The following MPO variants were observed in gnomAD, a reference collection of about 807,000 sequenced individuals.
The protein encoded by MPO is myeloperoxidase.
Under a neutral mutation model 69.4 loss-of-function variants are expected in MPO, and 57 were observed. That is an observed-to-expected ratio of 0.82 (90% confidence interval 0.66 to 1.02). The LOEUF (loss-of-function observed/expected upper bound fraction) is 1.02. MPO is among the 50% of genes least tolerant of loss of function. The pLI is 0.00. For synonymous variants in MPO, 426 were observed against 417.1 expected, an observed-to-expected ratio of 1.02 and a Z score of -0.26; for missense variants, 971 against 1,014.1, an observed-to-expected ratio of 0.96 and a Z score of 0.58.
chr17:58,277,529 C>T (rs1970453621), intron 7 of MPO, among the ~76,000 whole-genome samples: 1 of 152,188 alleles, frequency 6.6e-6, no homozygotes. Context: ...ACTCTCTTGT[C>T]TTCCAGAGTC....
chr17:58,280,878 C>A lies in MPO; in HGVS notation c.-120G>T. The A allele has an allele frequency of 8.2e-7, 1 of 1,226,614 alleles. No homozygotes were observed. Among genetic ancestry groups the A allele is most frequent in the South Asian group, 1.4e-5 (1 of 69,198 alleles). 76.0% of individuals were successfully genotyped at this position (1,226,614 alleles called of 1,614,324 possible). A position where few individuals can be genotyped will look rare whatever the true frequency, so the allele number is the denominator to read the frequency against. ...GGCTCACTGCTCTCTTATCCCCTTG[C>A]CAGCTGCTGTCATCCAGCTTCCAAG... On this transcript the variant is annotated 5_prime_UTR_variant, in exon 1 of 12. Transcript: ENST00000225275.
chr17:58,278,203 G>C (rs1160500158), intron 6 of MPO, 58 bp from the exon 7 acceptor site: 11 of 1,575,566 alleles, frequency 7.0e-6, no homozygotes, highest in Non-Finnish European at 9.5e-6. Flanking sequence ...TGCCCAGGCA[G>C]AACTGGATCT....
chr17:58,271,015 G>A lies in MPO; in HGVS notation c.2031-152C>T, dbSNP rs1183033328. ...CCCCAGGCCCTTGGGCAGCCCAGGG[G>A]CTTTCACACAAGTGATGCTCCACTC... On this transcript the variant is annotated intron_variant, in intron 11 of 11. Transcript: ENST00000225275. The A allele has an allele frequency of 3.0e-5, 23 of 765,730 alleles. No homozygotes were observed. The East Asian group carries it at 5.6e-4, about 19-fold the overall frequency. The allele number at this position is 765,730 out of a possible 1,614,324, so 47.4% of individuals were successfully genotyped here. A position where few individuals can be genotyped will look rare whatever the true frequency, so the allele number is the denominator to read the frequency against.
chr17:58,279,959 A>G lies in MPO; in HGVS notation c.304T>C (p.Phe102Leu). 6.2e-7 allele frequency: 1 copy of G among 1,613,786 alleles called. No homozygotes were observed. Residue 102 changes from phenylalanine to leucine, a missense_variant, in exon 3 of 12, where the codon TTC (phenylalanine) becomes CTC (leucine). Coordinates refer to ENST00000225275, the MANE Select transcript of MPO (RefSeq NM_000250.2). Reference sequence around the variant, plus strand: ...CTGGTGGCTGCCACCGGCTGCTTGAAGTAGGATAGGAGTTCCATGGGGCTG... The same window carrying G: ...CTGGTGGCTGCCACCGGCTGCTTGAGGTAGGATAGGAGTTCCATGGGGCTG... ...SASPMELLSY[F>L]KQPVAATRTA...
chr17:58,274,174 G>A (rs780988315), intron 8 of MPO: 4 of 501,018 alleles, frequency 8.0e-6, no homozygotes, highest in Non-Finnish European at 1.6e-5. Flanking sequence ...AGGAAGGAAC[G>A]AAGGGCCATT....
At chr17:58,276,477 G>A (rs1294248824) in intron 7 of MPO, among the ~76,000 whole-genome samples, 1 of 152,196 alleles carries the variant, frequency 6.6e-6, no homozygotes, top group Non-Finnish European at 1.5e-5. Flanking sequence ...GAGGGCTAGG[G>A]TCAGGACACT....
rs1397649632 is a variant in MPO, at chr17:58,278,029, A to G, written c.1002T>C (p.Thr334=). The change falls in exon 7 of 12, where the codon ACT becomes ACC. Residue 334 remains threonine (T), a synonymous_variant. Coordinates refer to ENST00000225275, the MANE Select transcript of MPO (RefSeq NM_000250.2). ...ITIRNQINAL[T]SFVDASMVYG... The stretch of plus-strand genomic sequence containing the variant: ...ACACCATGCTGGCGTCCACGAAGGA[A>G]GTGAGCGCGTTGATCTGGTTGCGGA... 2 of 1,613,716 alleles carry G rather than the reference A, an allele frequency of 1.2e-6. No homozygotes were observed. Among genetic ancestry groups the G allele is most frequent in the Admixed American group, 1.7e-5 (1 of 60,008 alleles).
intron 7 of MPO, among the ~76,000 whole-genome samples, chr17:58,276,489 G>C (rs1246915640): frequency 6.6e-6 from 1 of 152,188 alleles, no homozygotes; most frequent in African/African-American, 2.4e-5. Flanking sequence ...CAGGACACTA[G>C]GGTCAGTCCT....
rs761949874 is a variant in MPO at position 58,275,568 on chromosome 17, G to C, written c.1339C>G (p.Arg447Gly). The C allele has an allele frequency of 3.1e-6, 5 of 1,614,094 alleles. No individual in the cohort carries two copies. The highest frequency in any genetic ancestry group is 4.2e-6 in the Non-Finnish European group (5 of 1,180,008). ...WDGERLYQEA[R>G]KIVGAMVQII... ...TGGACCATGGCCCCCACGATCTTCC[G>C]GGCTTCCTGGTAGAGCCTCTCCCCA... is the stretch of plus-strand genomic sequence containing the variant. The change falls in exon 8 of 12, where the codon CGG becomes GGG. Residue 447 changes from arginine to glycine, a missense_variant. Physicochemically the swap from Arg to Gly is moderately radical, Grantham distance 125. Transcript: ENST00000225275. The surrounding 1 kb of genome is among the most constrained non-coding windows in gnomAD (Gnocchi z 4.1).
chr17:58,280,529 G>A (rs889084436), intron 1 of MPO, 70 bp from the exon 2 acceptor site: 2 of 1,612,308 alleles, frequency 1.2e-6, no homozygotes, highest in South Asian at 1.1e-5. Context: ...AGCTAGGAAG[G>A]CCTGCTCTGA....
chr17:58,278,215 C>T (rs1970464107), intron 6 of MPO, 70 bp from the exon 7 acceptor site: 1 of 1,549,212 alleles, frequency 6.5e-7, no homozygotes, highest in Non-Finnish European at 8.8e-7. Context: ...ACTGGATCTC[C>T]CCCTGCCCTC....
chr17:58,279,953 G>A lies in MPO; in HGVS notation c.310C>T (p.Gln104Ter). Residue 104 changes from glutamine (Q) to a stop codon, truncating the protein, a stop_gained, in exon 3 of 12, where the codon CAG becomes TAG. Coordinates refer to ENST00000225275, the MANE Select transcript of MPO (RefSeq NM_000250.2). LOFTEE classifies it high-confidence loss of function. ...GCCGTCCTGGTGGCTGCCACCGGCT[G>A]CTTGAAGTAGGATAGGAGTTCCATG... ...SPMELLSYFK[Q>*]PVAATRTAVR... The A allele has an allele frequency of 2.5e-6, 4 of 1,613,846 alleles. No individual in the cohort carries two copies. The highest frequency in any genetic ancestry group is 3.4e-6 in the Non-Finnish European group (4 of 1,180,030).
intron 7 of MPO, among the ~76,000 whole-genome samples, chr17:58,276,168 G>T (rs192482655): frequency 7.2e-5 from 11 of 152,200 alleles, no homozygotes; most frequent in South Asian, 2.1e-4. Flanking sequence ...AGAAGCATGC[G>T]TGTTGGCACA....
In MPO at chr17:58,272,602, T is replaced by C. The variant is rs1349830844; in HGVS notation, c.1792+146A>G. 7 of 881,742 alleles carry C rather than the reference T, an allele frequency of 7.9e-6. No homozygotes were observed. The Admixed American group carries it at 1.7e-4, about 21-fold the overall frequency. The allele number at this position is 881,742 out of a possible 1,614,324, so 54.6% of individuals were successfully genotyped here. On this transcript the variant is annotated intron_variant, in intron 10 of 11. Coordinates refer to ENST00000225275, the MANE Select transcript of MPO (RefSeq NM_000250.2). ...GTGGGTCCGGGAAAAGGCAGGGGCC[T>C]GGCCTCAGGCTACTTCCTGAGAGCA...
rs759271324 is a variant in MPO, at chr17:58,273,696, T to C, written c.1366-27A>G. On this transcript the variant is annotated intron_variant, in intron 8 of 11. Transcript: ENST00000225275. ...TAAAGACAAGTCATTTGGAATGGCCTCTCCACCCACTCCTCCACAGCAAAT... is the reference window on the plus strand; with the variant it reads ...TAAAGACAAGTCATTTGGAATGGCCCCTCCACCCACTCCTCCACAGCAAAT... 4 of 1,614,000 alleles carry C rather than the reference T, an allele frequency of 2.5e-6. No homozygotes were observed. In the Admixed American group the frequency reaches 6.7e-5, roughly 27 times the overall value.
Position 58,280,927 on chromosome 17 carries a change from G to T in MPO, c.-169C>A. The T allele has an allele frequency of 1.4e-6, 1 of 716,572 alleles. No individual in the cohort carries two copies. 44.4% of individuals were successfully genotyped at this position (716,572 alleles called of 1,614,324 possible). Reference sequence around the variant, plus strand: ...AGGACCCCACCTCCACAGCTCACCTGATATTGTCAGCTCCTCTTAGCTCAA... The same window carrying T: ...AGGACCCCACCTCCACAGCTCACCTTATATTGTCAGCTCCTCTTAGCTCAA... On this transcript the variant is annotated 5_prime_UTR_variant, in exon 1 of 12. Coordinates refer to ENST00000225275, the MANE Select transcript of MPO (RefSeq NM_000250.2).
In MPO at chr17:58,278,051, C is replaced by T. The variant is rs760619802; in HGVS notation, c.980G>A (p.Arg327His). The part of the protein sequence containing the change: ...PACPGSNITI[R>H]NQINALTSFV... ...GGAAGTGAGCGCGTTGATCTGGTTG[C>T]GGATGGTGATGTTGCTCCCGGGGCA... The change falls in exon 7 of 12, where the codon CGC becomes CAC. Residue 327 changes from arginine (R) to histidine (H), a missense_variant. Arg to His is a conservative substitution (Grantham distance 29). Coordinates refer to ENST00000225275, the MANE Select transcript of MPO (RefSeq NM_000250.2). 3.7e-6 allele frequency: 6 copies of T among 1,613,248 alleles called. No homozygotes were observed. The South Asian group carries it at 5.5e-5, about 15-fold the overall frequency.
Position 58,280,732 on chromosome 17 carries a change from GAGAGA to G in MPO, c.22_26del (p.Ser8GlnfsTer38), listed in dbSNP as rs1970508201. ...AAGGTCCTAAGTCCACCATGCATCT[GAGAGA>G]AGAGAAGAAGGGAACCCCCATCTCT... On this transcript the variant is annotated frameshift_variant, in exon 1 of 12. Coordinates refer to ENST00000225275, the MANE Select transcript of MPO (RefSeq NM_000250.2). LOFTEE classifies it high-confidence loss of function. The G allele has an allele frequency of 6.2e-6, 10 of 1,614,236 alleles. No homozygotes were observed. Among genetic ancestry groups the G allele is most frequent in the Non-Finnish European group, 8.5e-6 (10 of 1,180,044 alleles).
rs535410140 is a variant in MPO at position 58,275,171 on chromosome 17, T to G, written c.1365+371A>C. Among the ~76,000 whole-genome samples the G allele has an allele frequency of 3.2e-3, 492 of 152,216 alleles. 3 individuals carry two copies. Among genetic ancestry groups the G allele is most frequent in the African/African-American group, 0.011 (458 of 41,524 alleles). On this transcript the variant is annotated intron_variant, in intron 8 of 11. Coordinates refer to ENST00000225275, the MANE Select transcript of MPO (RefSeq NM_000250.2). This position sits in a 1 kb window ranked among gnomAD's most constrained non-coding sequence, Gnocchi z 4.1. The stretch of plus-strand genomic sequence containing the variant: ...AGCCACCGCGCCCAGCCCTATAATT[T>G]TTTTAATTTTAAAAAGAAGAGGTGA...
Sources: gnomAD v4.1 joint callset for allele counts (sites outside exome capture counted in the v4.1 genomes callset) on GRCh38, gnomAD v4.1.1 for gene constraint, Gnocchi (gnomAD v3.1) non-coding constraint, MANE v1.5 for transcripts, NCBI Gene and HGNC (gene_info 2026-07-23, HGNC 2026-07-21) for gene names.